Variants in LAT observed in about 807,000 individuals in gnomAD.
LAT encodes the protein linker for activation of T-cells family member 1.
Under a neutral mutation model 39.1 loss-of-function variants are expected in LAT, and 12 were observed. The observed-to-expected ratio is 0.31, with a 90% CI of 0.20 to 0.50. The LOEUF is 0.50. Among genes scored for constraint, LAT ranks in the 20% least tolerant of loss-of-function variants. The probability of loss-of-function intolerance (pLI) is 0.98; values close to 1 mark genes in which losing one functional copy is unlikely to be tolerated. For synonymous variants in LAT, 117 were observed against 123.8 expected, an observed-to-expected ratio of 0.95 and a Z score of 0.36; for missense variants, 253 against 308.0, an observed-to-expected ratio of 0.82 and a Z score of 1.34.
At chr16:28,984,817 C>T (rs1017856816), upstream of LAT, 1 of 1,538,444 alleles carries the variant, frequency 6.5e-7, no homozygotes, top group African/African-American at 1.4e-5. Flanking sequence ...CCCAGAATTC[C>T]CACTGTCAGG....
Position 28,985,729 on chromosome 16 carries a change from A to G in LAT, c.117A>G (p.Thr39=), listed in dbSNP as rs754994693. 6.2e-7 allele frequency: 1 copy of G among 1,613,896 alleles called. No homozygotes were observed. Among genetic ancestry groups the G allele is most frequent in the African/African-American group, 1.3e-5 (1 of 74,906 alleles). Residue 39 remains threonine (T), a synonymous_variant, in exon 2 of 12, where the codon ACA becomes ACG. Coordinates refer to ENST00000395456, the MANE Select transcript of LAT (RefSeq NM_001014987.2). The surrounding 1 kb of genome is among the most constrained non-coding windows in gnomAD (Gnocchi z 4.6). Reference sequence around the variant, plus strand: ...CTTTCCCAGGCTCCTACGACAGCACATCCTCAGATAGGTGAGTCCGCCCCA... The same window carrying G: ...CTTTCCCAGGCTCCTACGACAGCACGTCCTCAGATAGGTGAGTCCGCCCCA... ...CHRLPGSYDS[T]SSDSLYPRGI...
chr16:28,988,680 A>C (rs894201251), intron 8 of LAT: 4 of 152,248 alleles, frequency 2.6e-5, no homozygotes, highest in African/African-American at 9.6e-5. Flanking sequence ...ACTGCCCTCC[A>C]GCCCTCTAGG....
rs1965836493 is a variant in LAT, at chr16:28,989,945, C to T, written c.635C>T (p.Ser212Phe). Reference sequence around the variant, plus strand: ...CCCTCCCTTACAGCCGCCCTGAGTTCCCAGGAGGCAGAGGAAGTGGAGGAA... The same window carrying T: ...CCCTCCCTTACAGCCGCCCTGAGTTTCCAGGAGGCAGAGGAAGTGGAGGAA... ...AAKTEPAALS[S>F]QEAEEVEEEG... Residue 212 changes from serine to phenylalanine, a missense_variant, in exon 11 of 12, where the codon TCC (serine) becomes TTC (phenylalanine). Coordinates refer to ENST00000395456, the MANE Select transcript of LAT (RefSeq NM_001014987.2). 14 of 1,613,914 alleles carry T rather than the reference C, an allele frequency of 8.7e-6. No homozygotes were observed. The highest frequency in any genetic ancestry group is 1.2e-5 in the Non-Finnish European group (14 of 1,179,964).
At chr16:28,989,633 G>A in intron 9 of LAT, 44 bp downstream of exon 9, 1 of 1,589,630 alleles carries the variant, frequency 6.3e-7, no homozygotes, top group African/African-American at 1.3e-5. Flanking sequence ...GCACCCCGCT[G>A]CCCCACCATG....
At chr16:28,988,953 A>C (rs528707660) in intron 8 of LAT, 304 of 153,490 alleles carry the variant, frequency 2.0e-3, no homozygotes, top group Non-Finnish European at 3.3e-3. Context: ...CGGTGAGCCG[A>C]GATTGCACCA....
chr16:28,990,114 C>A, intron 11 of LAT, 75 bp from the exon 12 acceptor site: 1 of 1,034,422 alleles, frequency 9.7e-7, no homozygotes, highest in South Asian at 1.4e-5. Context: ...TCTGGCTTGT[C>A]CCTCTGTCTC....
At position 28,985,256 on chromosome 16, in the gene LAT, C is replaced by T. The variant is rs942783315; in HGVS notation, c.-162C>T. ...AAGAGGGGACCCATCCCGGGAGCCC[C>T]GGGGAGGGCACAGCTGCCTCCTCCC... On this transcript the variant is annotated 5_prime_UTR_variant, in exon 1 of 12. Transcript: ENST00000395456. This position sits in a 1 kb window ranked among gnomAD's most constrained non-coding sequence, Gnocchi z 4.6. 1.7e-5 allele frequency: 25 copies of T among 1,444,082 alleles called. No individual in the cohort carries two copies. The African/African-American group carries it at 2.2e-4, about 12-fold the overall frequency. The allele number at this position is 1,444,082 out of a possible 1,614,324, so 89.5% of individuals were successfully genotyped here. A position where few individuals can be genotyped will look rare whatever the true frequency, so the allele number is the denominator to read the frequency against.
Position 28,990,346 on chromosome 16 carries a change from C to T in LAT, c.*165C>T. 1.9e-6 allele frequency: 1 copy of T among 527,680 alleles called. No individual in the cohort carries two copies. The allele number at this position is 527,680 out of a possible 1,614,324, so 32.7% of individuals were successfully genotyped here. A position where few individuals can be genotyped will look rare whatever the true frequency, so the allele number is the denominator to read the frequency against. On this transcript the variant is annotated 3_prime_UTR_variant, in exon 12 of 12. Coordinates refer to ENST00000395456, the MANE Select transcript of LAT (RefSeq NM_001014987.2). ...AACTTATTATCACTTTGGGGTTCGG[C>T]CTGTGTCCCCCGAACGCTCTGCACC... is the stretch of plus-strand genomic sequence containing the variant.
chr16:28,986,995 G>C lies in LAT; in HGVS notation c.493+102G>C, dbSNP rs1965777282. 4 of 965,922 alleles carry C rather than the reference G, an allele frequency of 4.1e-6. No homozygotes were observed. Among genetic ancestry groups the C allele is most frequent in the Non-Finnish European group, 6.1e-6 (4 of 651,246 alleles). The allele number at this position is 965,922 out of a possible 1,614,324, so 59.8% of individuals were successfully genotyped here. ...TGCAGCCTTGAACTCCTGGGCTCCA[G>C]TGATCCTCCCAAGTAGGCTACTCGG... On this transcript the variant is annotated intron_variant, in intron 8 of 11. Coordinates refer to ENST00000395456, the MANE Select transcript of LAT (RefSeq NM_001014987.2). This position sits in a 1 kb window ranked among gnomAD's most constrained non-coding sequence, Gnocchi z 5.7.
rs1307980466 is a variant in LAT at position 28,986,362 on chromosome 16, C to T, written c.246-20C>T. On this transcript the variant is annotated intron_variant, in intron 4 of 11. Transcript: ENST00000395456. The surrounding 1 kb of genome is among the most constrained non-coding windows in gnomAD (Gnocchi z 5.7). ...CCCTGAGCCCCACCTCAGGCATGAC[C>T]CCTGACCTTTGACTCCCAGAAGATC... 1 of 1,613,284 alleles carries T rather than the reference C, an allele frequency of 6.2e-7. No homozygotes were observed. The highest frequency in any genetic ancestry group is 8.5e-7 in the Non-Finnish European group (1 of 1,179,836).
intron 8 of LAT, among the ~76,000 whole-genome samples, 178 bp downstream of exon 8, chr16:28,987,071 C>G (rs1278754062): frequency 6.6e-6 from 1 of 152,078 alleles, no homozygotes; most frequent in African/African-American, 2.4e-5. Context: ...CCACACCTAG[C>G]TTATTTAAAA....
intron 10 of LAT, 22 bp downstream of exon 10, chr16:28,989,861 G>A (rs1965834471): frequency 6.2e-7 from 1 of 1,614,034 alleles, no homozygotes; most frequent in Non-Finnish European, 8.5e-7. Flanking sequence ...GGGAGGGGCA[G>A]GAGCTGGGGT....
rs372858431 is a variant in LAT at position 28,986,263 on chromosome 16, C to G, written c.245+47C>G. The G allele has an allele frequency of 4.6e-5, 71 of 1,542,054 alleles. No individual in the cohort carries two copies. Among genetic ancestry groups the G allele is most frequent in the Admixed American group, 2.0e-4 (11 of 55,300 alleles). ...GCCCCTCCAAAGCTCAGCCCCTCCC[C>G]CTCCAAACTCCACTCTCTACCCCTT... On this transcript the variant is annotated intron_variant, in intron 4 of 11. Transcript: ENST00000395456. This position sits in a 1 kb window ranked among gnomAD's most constrained non-coding sequence, Gnocchi z 5.7.
chr16:28,989,399 T>G, intron 8 of LAT, 128 bp from the exon 9 acceptor site: 1 of 734,010 alleles, frequency 1.4e-6, no homozygotes. Flanking sequence ...CTAATGGGGG[T>G]GGCTGTGTGG....
At position 28,985,391 on chromosome 16, in the gene LAT, G is replaced by C. The variant is rs1965720627; in HGVS notation, c.-27G>C. The C allele has an allele frequency of 6.2e-7, 1 of 1,612,404 alleles. No homozygotes were observed. Among genetic ancestry groups the C allele is most frequent in the African/African-American group, 1.3e-5 (1 of 74,894 alleles). On this transcript the variant is annotated 5_prime_UTR_variant, in exon 1 of 12. Transcript: ENST00000395456. This position sits in a 1 kb window ranked among gnomAD's most constrained non-coding sequence, Gnocchi z 4.6. ...TGCCCTTGAGGGGCCTAGGGGTGCA[G>C]CCAGCCTGCTCCGAGCTCCCCTGCA...
rs776545121 is a variant in LAT at position 28,986,099 on chromosome 16, C to A, written c.164-36C>A. On this transcript the variant is annotated intron_variant, in intron 3 of 11. Coordinates refer to ENST00000395456, the MANE Select transcript of LAT (RefSeq NM_001014987.2). The surrounding 1 kb of genome is among the most constrained non-coding windows in gnomAD (Gnocchi z 5.7). ...TGTTCTTTGAGGCCTTGACGATGTCCGGAGTCCTTCTTTCAACTTGGTTCT... is the reference window on the plus strand; with the variant it reads ...TGTTCTTTGAGGCCTTGACGATGTCAGGAGTCCTTCTTTCAACTTGGTTCT... 4 of 1,535,770 alleles carry A rather than the reference C, an allele frequency of 2.6e-6. No homozygotes were observed. The highest frequency in any genetic ancestry group is 1.2e-5 in the South Asian group (1 of 83,416).
chr16:28,990,343 C>T lies in LAT; in HGVS notation c.*162C>T, dbSNP rs945692096. ...CGTAACTTATTATCACTTTGGGGTTCGGCCTGTGTCCCCCGAACGCTCTGC... is the reference window on the plus strand; with the variant it reads ...CGTAACTTATTATCACTTTGGGGTTTGGCCTGTGTCCCCCGAACGCTCTGC... On this transcript the variant is annotated 3_prime_UTR_variant, in exon 12 of 12. Transcript: ENST00000395456. The T allele has an allele frequency of 5.2e-5, 28 of 540,016 alleles. No individual in the cohort carries two copies. Among genetic ancestry groups the T allele is most frequent in the East Asian group, 2.5e-4 (6 of 23,740 alleles). The allele number at this position is 540,016 out of a possible 1,614,324, so 33.5% of individuals were successfully genotyped here.
rs1274401018 is a variant in LAT at position 28,985,822 on chromosome 16, G to T, written c.129-32G>T. 1.4e-5 allele frequency: 22 copies of T among 1,613,922 alleles called. No homozygotes were observed. The East Asian group carries it at 4.9e-4, about 36-fold the overall frequency. ...TGGGGCTTCCATCCTCCATCTTCCA[G>T]CCCCATCCCCAAGCTGTGTCTCCTT... is the stretch of plus-strand genomic sequence containing the variant. On this transcript the variant is annotated intron_variant, in intron 2 of 11. Transcript: ENST00000395456. This position sits in a 1 kb window ranked among gnomAD's most constrained non-coding sequence, Gnocchi z 4.6.
rs751174435 is a variant in LAT at position 28,985,403 on chromosome 16, C to T, written c.-15C>T. 1.5e-5 allele frequency: 24 copies of T among 1,612,990 alleles called. No homozygotes were observed. The highest frequency in any genetic ancestry group is 3.3e-5 in the Admixed American group (2 of 59,990). ...GCCTAGGGGTGCAGCCAGCCTGCTC[C>T]GAGCTCCCCTGCAGATGGAGGAGGC... On this transcript the variant is annotated 5_prime_UTR_variant, in exon 1 of 12. Transcript: ENST00000395456. The surrounding 1 kb of genome is among the most constrained non-coding windows in gnomAD (Gnocchi z 4.6).
Sources: allele counts gnomAD v4.1 joint callset (sites outside exome capture counted in the v4.1 genomes callset), GRCh38; gene constraint gnomAD v4.1.1; non-coding constraint Gnocchi (gnomAD v3.1); transcripts MANE v1.5; gene names NCBI Gene and HGNC (gene_info 2026-07-23, HGNC 2026-07-21).